The following EGFLAM variants were observed in gnomAD, a reference collection of about 807,000 sequenced individuals.
EGFLAM encodes the protein pikachurin.
Under a neutral mutation model 113.1 loss-of-function variants are expected in EGFLAM, and 79 were observed. The ratio of observed to expected loss-of-function variants is 0.70; its 90% CI spans 0.58 to 0.84. The LOEUF is 0.84. EGFLAM is among the 40% of genes least tolerant of loss of function. The pLI is 0.00. For missense variants in EGFLAM, 1,265 were observed against 1,291.6 expected, an observed-to-expected ratio of 0.98 and a Z score of 0.32; for synonymous variants, 504 against 487.6, an observed-to-expected ratio of 1.03 and a Z score of -0.44.
chr5:38,280,339 G>C (rs1008033598), intron 1 of EGFLAM, among the ~76,000 whole-genome samples: 1 of 152,208 alleles, frequency 6.6e-6, no homozygotes, highest in Non-Finnish European at 1.5e-5. Context: ...CACAGTTACT[G>C]TCAGCTCTTC....
Position 38,435,181 on chromosome 5 carries a change from C to A in EGFLAM, c.2211C>A (p.Gly737=), listed in dbSNP as rs1163773501. Residue 737 remains glycine, a synonymous_variant, in exon 16 of 22, where the codon GGC becomes GGA. Coordinates refer to ENST00000322350, the MANE Select transcript of EGFLAM (RefSeq NM_152403.4). ...AGTGCAACACAGACATTTTCATTGG[C>A]GGAGTCCCCAATTATGATGATGTGA... is the stretch of plus-strand genomic sequence containing the variant. ...QIKCNTDIFI[G]GVPNYDDVKK... The A allele has an allele frequency of 1.2e-6, 2 of 1,614,072 alleles. No homozygotes were observed. Among genetic ancestry groups the A allele is most frequent in the Non-Finnish European group, 1.7e-6 (2 of 1,179,996 alleles).
chr5:38,368,549 A>C (rs1740123415), intron 5 of EGFLAM, among the ~76,000 whole-genome samples: 1 of 152,204 alleles, frequency 6.6e-6, no homozygotes, highest in South Asian at 2.1e-4. Context: ...TCTTTTAGCA[A>C]AATGACTCTC....
chr5:38,344,214 G>A (rs1319212836), intron 3 of EGFLAM, among the ~76,000 whole-genome samples: 2 of 152,206 alleles, frequency 1.3e-5, no homozygotes, highest in African/African-American at 4.8e-5. Context: ...TGCTGGGCAC[G>A]GTGGCCCACG....
intron 1 of EGFLAM, among the ~76,000 whole-genome samples, chr5:38,303,287 G>A (rs984268529): frequency 1.3e-5 from 2 of 152,064 alleles, no homozygotes; most frequent in African/African-American, 4.8e-5. Flanking sequence ...AATATCACAA[G>A]GAAGTAAAAA....
At chr5:38,357,894 GCT>G (rs1204126812) in intron 5 of EGFLAM, among the ~76,000 whole-genome samples, 1 of 137,774 alleles carries the variant, frequency 7.3e-6, no homozygotes, top group East Asian at 2.1e-4. Flanking sequence ...ATTGAGTCTT[GCT>G]CTGTCACCCA....
At chr5:38,299,713 A>T (rs963556466) in intron 1 of EGFLAM, among the ~76,000 whole-genome samples, 8 of 152,148 alleles carry the variant, frequency 5.3e-5, no homozygotes, top group Admixed American at 3.9e-4. Context: ...GTTGCTTAAA[A>T]GAGCATGACG....
At chr5:38,272,680 G>A (rs1256101395) in intron 1 of EGFLAM, among the ~76,000 whole-genome samples, 1 of 152,096 alleles carries the variant, frequency 6.6e-6, no homozygotes, top group Non-Finnish European at 1.5e-5. Flanking sequence ...TGATAAAAAT[G>A]AATACTCCTG....
intron 17 of EGFLAM, among the ~76,000 whole-genome samples, chr5:38,440,358 C>T (rs1387635979): frequency 1.3e-5 from 2 of 152,154 alleles, no homozygotes; most frequent in East Asian, 3.8e-4. Flanking sequence ...GCCCCTATCC[C>T]ATAATTTCCT....
chr5:38,380,954 G>C (rs750507592), intron 6 of EGFLAM, among the ~76,000 whole-genome samples: 2 of 152,150 alleles, frequency 1.3e-5, no homozygotes, highest in Non-Finnish European at 2.9e-5. Flanking sequence ...AGGAACTCAC[G>C]ATGCTCTGAT....
intron 17 of EGFLAM, among the ~76,000 whole-genome samples, chr5:38,447,050 T>G (rs901975810): frequency 4.6e-5 from 7 of 152,246 alleles, no homozygotes; most frequent in African/African-American, 1.7e-4. Flanking sequence ...TTATTCTACC[T>G]TAATTTCTTT....
Position 38,420,164 on chromosome 5 carries a change from C to T in EGFLAM, c.1684+1909C>T, listed in dbSNP as rs372990502. Among the ~76,000 whole-genome samples the T allele has an allele frequency of 8.5e-5, 13 of 152,324 alleles. No individual in the cohort carries two copies. The East Asian group carries it at 1.9e-3, about 23-fold the overall frequency. On this transcript the variant is annotated intron_variant, in intron 12 of 21. Coordinates refer to ENST00000322350, the MANE Select transcript of EGFLAM (RefSeq NM_152403.4). ...TCAGCCATTCTGGCACAAGTGACTA[C>T]CCTCTTACCAAAATCAGCTACATCA...
intron 18 of EGFLAM, 135 bp from the exon 19 acceptor site, chr5:38,451,180 G>A: frequency 8.4e-7 from 1 of 1,190,878 alleles, no homozygotes; most frequent in Non-Finnish European, 1.2e-6. Context: ...TGCGACTCGT[G>A]GTAATGAAGT....
At chr5:38,443,857 G>T (rs545195570) in intron 17 of EGFLAM, among the ~76,000 whole-genome samples, 1 of 148,550 alleles carries the variant, frequency 6.7e-6, no homozygotes, top group Non-Finnish European at 1.5e-5. Context: ...TGCAGCCTCC[G>T]CCTCCCAGGT....
chr5:38,361,997 C>T (rs576526188), intron 5 of EGFLAM, among the ~76,000 whole-genome samples: 42 of 151,946 alleles, frequency 2.8e-4, no homozygotes, highest in Non-Finnish European at 5.3e-4. Flanking sequence ...AAAGCATTAC[C>T]CACAAGTAAT....
chr5:38,399,688 A>T (rs1312493860), intron 6 of EGFLAM: 1 of 152,160 alleles, frequency 6.6e-6, no homozygotes, highest in Non-Finnish European at 1.5e-5. Flanking sequence ...AAGCGGTTGG[A>T]CAAGAATCCA....
At chr5:38,435,818 T>C (rs1334710253) in intron 16 of EGFLAM, among the ~76,000 whole-genome samples, 39 of 137,414 alleles carry the variant, frequency 2.8e-4, no homozygotes, top group African/African-American at 1.1e-3. Flanking sequence ...TTTTTTTTTT[T>C]TTTTTTTTTT....
At position 38,350,682 on chromosome 5, in the gene EGFLAM, A is replaced by G. The variant is rs942346117; in HGVS notation, c.409+64A>G. The G allele has an allele frequency of 5.1e-5, 74 of 1,457,962 alleles. 1 individual carries two copies. In the African/African-American group the frequency reaches 1.0e-3, roughly 20 times the overall value. 90.3% of individuals were successfully genotyped at this position (1,457,962 alleles called of 1,614,324 possible). ...CTATCCATGCATCCTTCATTCAGCA[A>G]ATATCAATAGGGACTTACTATGTGC... On this transcript the variant is annotated intron_variant, in intron 4 of 21. Transcript: ENST00000322350.
At position 38,443,278 on chromosome 5, in the gene EGFLAM, AT is replaced by A. The variant is rs746085260; in HGVS notation, c.2464+4824del. ...GAGACTCTGTCTCAAAAAATAAAAA[AT>A]ATAAGATGATTAGAGTCATGCTTTG... On this transcript the variant is annotated intron_variant, in intron 17 of 21. Coordinates refer to ENST00000322350, the MANE Select transcript of EGFLAM (RefSeq NM_152403.4). 7.2e-5 allele frequency among the ~76,000 whole-genome samples: 11 copies of A among 152,350 alleles called. No homozygotes were observed. The East Asian group carries it at 1.5e-3, about 21-fold the overall frequency.
In EGFLAM at chr5:38,318,724, G is replaced by A. The variant is rs371954992; in HGVS notation, c.98-18796G>A. 9.4e-4 allele frequency among the ~76,000 whole-genome samples: 143 copies of A among 152,096 alleles called. 1 individual carries two copies. The South Asian group carries it at 0.026, about 28-fold the overall frequency. ...TTCACCATATTGGCCAGGCTGGCTCGAACTCCTGACCTCAGGTGATCTACC... is the reference window on the plus strand; with the variant it reads ...TTCACCATATTGGCCAGGCTGGCTCAAACTCCTGACCTCAGGTGATCTACC... On this transcript the variant is annotated intron_variant, in intron 1 of 21. Coordinates refer to ENST00000322350, the MANE Select transcript of EGFLAM (RefSeq NM_152403.4).
Sources: gnomAD v4.1 joint callset for allele counts (sites outside exome capture counted in the v4.1 genomes callset) on GRCh38, gnomAD v4.1.1 for gene constraint, MANE v1.5 for transcripts, NCBI Gene and HGNC (gene_info 2026-07-23, HGNC 2026-07-21) for gene names.